ZNF606: variants seen among roughly 807,000 people sequenced by gnomAD.
The protein encoded by ZNF606 is zinc finger protein 606.
Under a neutral mutation model 74.9 loss-of-function variants are expected in ZNF606, and 37 were observed. That is an observed-to-expected ratio of 0.49 (90% CI 0.38 to 0.65). The LOEUF is 0.65. Among genes scored for constraint, ZNF606 ranks in the 30% least tolerant of loss-of-function variants. The pLI is 0.00. For synonymous variants in ZNF606, 328 were observed against 312.4 expected (o/e 1.05, Z -0.53); for missense variants, 852 against 952.9 (o/e 0.89, Z 1.39).
At position 57,979,563 on chromosome 19, in the gene ZNF606, T is replaced by C; in HGVS notation, c.1117A>G (p.Lys373Glu). Residue 373 changes from lysine (K) to glutamate (E), a missense_variant, in exon 7 of 7, where the codon AAA becomes GAA. Physicochemically the swap from Lys to Glu is moderately conservative, Grantham distance 56. This residue lies in a region of ZNF606 where 545 missense variants were observed against 542.5 expected (regional missense o/e 1.00). Transcript: ENST00000551380. ...AAGACTTTCTCCCATTCATTGTATT[T>C]ATACGCTTTCTCTACAGTACCAATT... is the stretch of plus-strand genomic sequence containing the variant. ...QKIGTVEKAYKYNEWEKVFGY... is the reference protein window; with the variant it reads ...QKIGTVEKAYEYNEWEKVFGY... The C allele has an allele frequency of 1.9e-6, 3 of 1,613,292 alleles. No homozygotes were observed. Among genetic ancestry groups the C allele is most frequent in the Non-Finnish European group, 2.5e-6 (3 of 1,179,754 alleles).
intron 4 of ZNF606, among the ~76,000 whole-genome samples, chr19:57,993,118 T>C (rs2073285142): frequency 6.6e-6 from 1 of 152,088 alleles, no homozygotes; most frequent in Non-Finnish European, 1.5e-5. Context: ...GGACAGGGCA[T>C]GAGTCAGGAA....
chr19:57,984,121 C>A (rs1198740785), intron 6 of ZNF606, among the ~76,000 whole-genome samples: 3 of 152,176 alleles, frequency 2.0e-5, no homozygotes, highest in East Asian at 1.9e-4. Context: ...GGAAGAAAAT[C>A]TTGGGAGTTA....
chr19:57,989,886 C>T (rs1457533973), intron 4 of ZNF606, among the ~76,000 whole-genome samples: 1 of 140,704 alleles, frequency 7.1e-6, no homozygotes, highest in East Asian at 2.0e-4. Context: ...CCCGTCTCTA[C>T]TAAAAATACA....
intron 4 of ZNF606, among the ~76,000 whole-genome samples, chr19:57,996,432 G>T (rs2073342956): frequency 6.6e-6 from 1 of 152,132 alleles, no homozygotes; most frequent in Non-Finnish European, 1.5e-5. Context: ...ACCCGGGAGG[G>T]GAGGCTGCAT....
intron 6 of ZNF606, among the ~76,000 whole-genome samples, chr19:57,983,606 A>T (rs1427457682): frequency 6.6e-6 from 1 of 152,024 alleles, no homozygotes; most frequent in Non-Finnish European, 1.5e-5. Flanking sequence ...AGAAAAAGAA[A>T]TATCACTCTG....
At position 57,978,440 on chromosome 19, in the gene ZNF606, T is replaced by C; in HGVS notation, c.2240A>G (p.Lys747Arg). ...CTGATGAATAATAAGGGAAGAATTCTTACAAAATGCTTTTTCACAATGATT... is the reference window on the plus strand; with the variant it reads ...CTGATGAATAATAAGGGAAGAATTCCTACAAAATGCTTTTTCACAATGATT... ...KCNHCEKAFCKNSSLIIHQRM... is the reference protein window; with the variant it reads ...KCNHCEKAFCRNSSLIIHQRM... Residue 747 changes from lysine (K) to arginine (R), a missense_variant, in exon 7 of 7, where the codon AAG becomes AGG. By Grantham distance (26) the Lys-to-Arg change is conservative. Around this residue, in one of 3 missense-constraint regions of ZNF606, gnomAD observed 243 missense variants for 359.2 expected, o/e 0.68. Coordinates refer to ENST00000551380, the MANE Select transcript of ZNF606 (RefSeq NM_001348022.3). This position sits in a 1 kb window ranked among gnomAD's most constrained non-coding sequence, Gnocchi z 4.4. 3 of 1,614,048 alleles carry C rather than the reference T, an allele frequency of 1.9e-6. No homozygotes were observed. Among genetic ancestry groups the C allele is most frequent in the Non-Finnish European group, 2.5e-6 (3 of 1,179,896 alleles).
intron 4 of ZNF606, among the ~76,000 whole-genome samples, chr19:57,991,214 G>C (rs1262945929): frequency 1.3e-4 from 19 of 151,982 alleles, no homozygotes; most frequent in Admixed American, 1.2e-3. Context: ...CATTTTTGCT[G>C]ATCTATATTG....
In ZNF606 at chr19:57,977,400, A is replaced by C. The variant is rs1358105950; in HGVS notation, c.*901T>G. 3.9e-5 allele frequency: 6 copies of C among 152,214 alleles called. No homozygotes were observed. The highest frequency in any genetic ancestry group is 7.3e-5 in the Non-Finnish European group (5 of 68,032). 9.4% of individuals were successfully genotyped at this position (152,214 alleles called of 1,614,324 possible). A position where few individuals can be genotyped will look rare whatever the true frequency, so the allele number is the denominator to read the frequency against. Reference sequence around the variant, plus strand: ...ATATGTATTTGTAAAACTTTTTAAAAATCTCAACTGGGTTAACTTTTCCAT... The same window carrying C: ...ATATGTATTTGTAAAACTTTTTAAACATCTCAACTGGGTTAACTTTTCCAT... On this transcript the variant is annotated 3_prime_UTR_variant, in exon 7 of 7. Coordinates refer to ENST00000551380, the MANE Select transcript of ZNF606 (RefSeq NM_001348022.3).
At chr19:57,983,977 A>T (rs1231394087) in intron 6 of ZNF606, among the ~76,000 whole-genome samples, 3 of 152,348 alleles carry the variant, frequency 2.0e-5, no homozygotes, top group Non-Finnish European at 4.4e-5. Context: ...CAGGGATATA[A>T]ATCTAGAAAT....
chr19:57,987,507 G>A (rs2073181890), intron 6 of ZNF606, among the ~76,000 whole-genome samples: 1 of 151,958 alleles, frequency 6.6e-6, no homozygotes, highest in Non-Finnish European at 1.5e-5. Context: ...TATTTTGTTT[G>A]GTACCCACAA....
At position 57,978,695 on chromosome 19, in the gene ZNF606, C is replaced by G. The variant is rs376126164; in HGVS notation, c.1985G>C (p.Ser662Thr). The G allele has an allele frequency of 6.2e-7, 1 of 1,614,062 alleles. No homozygotes were observed. The highest frequency in any genetic ancestry group is 8.5e-7 in the Non-Finnish European group (1 of 1,180,048). The change falls in exon 7 of 7, where the codon AGT (serine) becomes ACT (threonine). Residue 662 changes from serine to threonine, a missense_variant. Ser to Thr is a moderately conservative substitution (Grantham distance 58). Around this residue, in one of 3 missense-constraint regions of ZNF606, gnomAD observed 243 missense variants for 359.2 expected, o/e 0.68. Transcript: ENST00000551380. This position sits in a 1 kb window ranked among gnomAD's most constrained non-coding sequence, Gnocchi z 4.4. ...ATGAGCAACAAGGTGACAGCTCTGACTGAAGGATTTTCCACATTTATTGCA... is the reference window on the plus strand; with the variant it reads ...ATGAGCAACAAGGTGACAGCTCTGAGTGAAGGATTTTCCACATTTATTGCA... Reference protein sequence around the residue: ...YECNKCGKSFSQSCHLVAHRR... With the variant: ...YECNKCGKSFTQSCHLVAHRR...
chr19:57,978,360 T>C lies in ZNF606; in HGVS notation c.2320A>G (p.Ser774Gly). 5.0e-6 allele frequency: 8 copies of C among 1,607,816 alleles called. No individual in the cohort carries two copies. The highest frequency in any genetic ancestry group is 6.8e-6 in the Non-Finnish European group (8 of 1,174,914). The stretch of plus-strand genomic sequence containing the variant: ...TGTTGAAGTAGGGCTGAGTGACCAC[T>C]AAAGGCTTTTCCACATTCACTGCAT... ...FICSECGKAF[S>G]GHSALLQHQR... Residue 774 changes from serine (S) to glycine (G), a missense_variant, in exon 7 of 7, where the codon AGT (serine) becomes GGT (glycine). Ser to Gly is a moderately conservative substitution (Grantham distance 56). Around this residue, in one of 3 missense-constraint regions of ZNF606, gnomAD observed 64 missense variants for 51.1 expected, o/e 1.25. Coordinates refer to ENST00000551380, the MANE Select transcript of ZNF606 (RefSeq NM_001348022.3). This position sits in a 1 kb window ranked among gnomAD's most constrained non-coding sequence, Gnocchi z 4.4.
At chr19:57,987,623 T>A (rs1449305804) in intron 6 of ZNF606, among the ~76,000 whole-genome samples, 2 of 151,718 alleles carry the variant, frequency 1.3e-5, no homozygotes, top group East Asian at 3.9e-4. Context: ...AGGTCAGGAG[T>A]TCGAGACCAG....
At position 57,979,157 on chromosome 19, in the gene ZNF606, C is replaced by G; in HGVS notation, c.1523G>C (p.Gly508Ala). 6.2e-7 allele frequency: 1 copy of G among 1,614,016 alleles called. No individual in the cohort carries two copies. Among genetic ancestry groups the G allele is most frequent in the Non-Finnish European group, 8.5e-7 (1 of 1,180,030 alleles). Residue 508 changes from glycine to alanine, a missense_variant, in exon 7 of 7, where the codon GGA (glycine) becomes GCA (alanine). Gly to Ala is a moderately conservative substitution (Grantham distance 60, BLOSUM62 0). Transcript: ENST00000551380. ...TTCAGTACATTCAAAAGGTTTCTCT[C>G]CTGTATGAGTCCTCTGATGTCCAAT... ...HLIGHQRTHT[G>A]EKPFECTECG...
rs1316690001 is a variant in ZNF606, at chr19:57,997,703, G to A, written c.177+2105C>T. The stretch of plus-strand genomic sequence containing the variant: ...ATAAATTAACAGCAGAGTGTAGCAT[G>A]GTGGTTAACAGGGCTTCTTCGCAGT... On this transcript the variant is annotated intron_variant, in intron 4 of 6. Coordinates refer to ENST00000551380, the MANE Select transcript of ZNF606 (RefSeq NM_001348022.3). The A allele has an allele frequency of 2.6e-5, 4 of 152,180 alleles. No homozygotes were observed. The East Asian group carries it at 7.7e-4, about 29-fold the overall frequency. The allele number at this position is 152,180 out of a possible 1,614,324, so 9.4% of individuals were successfully genotyped here.
chr19:57,982,460 A>G (rs2073098543), intron 6 of ZNF606, among the ~76,000 whole-genome samples: 1 of 152,156 alleles, frequency 6.6e-6, no homozygotes, highest in African/African-American at 2.4e-5. Context: ...AAGGTGCCCC[A>G]TTCACAAATT....
intron 4 of ZNF606, among the ~76,000 whole-genome samples, chr19:57,991,383 G>A (rs1298515323): frequency 1.3e-5 from 2 of 152,072 alleles, no homozygotes; most frequent in Non-Finnish European, 2.9e-5. Context: ...CTCCCTCTAT[G>A]AAACACTCCC....
At chr19:57,982,475 A>C (rs1376255803) in intron 6 of ZNF606, among the ~76,000 whole-genome samples, 1 of 152,116 alleles carries the variant, frequency 6.6e-6, no homozygotes, top group African/African-American at 2.4e-5. Flanking sequence ...CAAATTCTGG[A>C]GATTAGGATG....
rs1464891797 is a variant in ZNF606, at chr19:57,988,206, C to A, written c.400+1G>T. The A allele has an allele frequency of 1.2e-6, 2 of 1,613,144 alleles. No individual in the cohort carries two copies. Among genetic ancestry groups the A allele is most frequent in the Admixed American group, 1.7e-5 (1 of 59,890 alleles). ...TTGTTCAGCCTGGGGTCTGCCCTCA[C>A]CTGGACAAGTGCGTTGAGGACATGC... On this transcript the variant is annotated splice_donor_variant, in intron 6 of 6. Coordinates refer to ENST00000551380, the MANE Select transcript of ZNF606 (RefSeq NM_001348022.3). LOFTEE classifies it high-confidence loss of function.
Sources: allele counts gnomAD v4.1 joint callset (sites outside exome capture counted in the v4.1 genomes callset), GRCh38; gene constraint gnomAD v4.1.1; regional missense constraint gnomAD v4.1.1; non-coding constraint Gnocchi (gnomAD v3.1); transcripts MANE v1.5; gene names NCBI Gene and HGNC (gene_info 2026-07-23, HGNC 2026-07-21).